The following ATG7 variants were observed in gnomAD, a reference collection of about 807,000 sequenced individuals.
The protein encoded by ATG7 is ubiquitin-like modifier-activating enzyme ATG7.
ATG7 carries 70 observed loss-of-function variants against 82.4 expected under a neutral mutation model. That is an observed-to-expected ratio of 0.85 (90% confidence interval 0.70 to 1.04). The LOEUF (loss-of-function observed/expected upper bound fraction) is 1.04. Ranked by LOEUF, ATG7 falls within the 50% of genes least tolerant of loss-of-function variation. ATG7 has a pLI of 0.00. For missense variants in ATG7, 792 were observed against 864.3 expected (o/e 0.92, Z 1.05); for synonymous variants, 287 against 313.0 (o/e 0.92, Z 0.88).
intron 20 of ATG7, among the ~76,000 whole-genome samples, chr3:11,490,506 C>A (rs9851487): frequency 3.3e-5 from 5 of 150,526 alleles, no homozygotes; most frequent in Admixed American, 1.3e-4. Context: ...GAATTTGATC[C>A]TGTCATTATG....
At chr3:11,337,503 T>TAA (rs1328879208) in intron 11 of ATG7, among the ~76,000 whole-genome samples, 5 of 151,940 alleles carry the variant, frequency 3.3e-5, no homozygotes, top group African/African-American at 7.2e-5. Context: ...TATATATATA[T>TAA]AATTTAATTT....
At chr3:11,564,570 G>A in the ATG7 span, among the ~76,000 whole-genome samples, 3 of 151,738 alleles carry the variant, frequency 2.0e-5, no homozygotes, top group South Asian at 2.1e-4. Flanking sequence ...AAGAGGCAAG[G>A]CCCGGGCAGG....
rs560001251 is a variant in ATG7, at chr3:11,454,752, G to A, written c.2079+27826G>A. Among the ~76,000 whole-genome samples, 7 of 152,346 alleles carry A rather than the reference G, an allele frequency of 4.6e-5. No individual in the cohort carries two copies. In the East Asian group the frequency reaches 1.3e-3, roughly 29 times the overall value. On this transcript the variant is annotated intron_variant, in intron 20 of 20. Transcript: ENST00000693202. ...CTAGCAGAATGCCTGGCAGGTAGAA[G>A]GAAGCTCAGTGTGTGTTTACTGAAT... is the stretch of plus-strand genomic sequence containing the variant.
intron 20 of ATG7, among the ~76,000 whole-genome samples, chr3:11,483,951 C>T (rs550920298): frequency 6.6e-6 from 1 of 152,274 alleles, no homozygotes. Flanking sequence ...GGATAAATTC[C>T]ATCATTACCC....
chr3:11,558,856 AG>A (rs1228095192), downstream of ATG7: 1 of 1,605,892 alleles, frequency 6.2e-7, no homozygotes, highest in African/African-American at 1.3e-5. Context: ...GCAGGCAGTC[AG>A]ACACAGGTGG....
intron 20 of ATG7, among the ~76,000 whole-genome samples, chr3:11,538,874 C>CAAAAAA (rs60200228): frequency 0.21 from 29,817 of 139,748 alleles, 3,660 homozygotes; most frequent in South Asian, 0.37. Flanking sequence ...ACTCTTGTCT[C>CAAAAAA]AAAAAAAAAG....
intron 20 of ATG7, among the ~76,000 whole-genome samples, chr3:11,436,423 A>G: frequency 6.6e-6 from 1 of 152,160 alleles, no homozygotes; most frequent in East Asian, 1.9e-4. Context: ...TCCTTGAAAA[A>G]TTAAACATAG....
At chr3:11,383,537 C>T (rs1469892575) in intron 19 of ATG7, among the ~76,000 whole-genome samples, 1 of 152,162 alleles carries the variant, frequency 6.6e-6, no homozygotes, top group Non-Finnish European at 1.5e-5. Context: ...CTCCGCCTGC[C>T]TCCCAGGTTC....
chr3:11,523,366 C>T (rs2092490321), intron 20 of ATG7, among the ~76,000 whole-genome samples: 1 of 152,224 alleles, frequency 6.6e-6, no homozygotes, highest in African/African-American at 2.4e-5. Flanking sequence ...GGTGACCCAC[C>T]GCATACGGGG....
At chr3:11,479,488 G>C (rs1294255892) in intron 20 of ATG7, among the ~76,000 whole-genome samples, 1 of 152,088 alleles carries the variant, frequency 6.6e-6, no homozygotes, top group Non-Finnish European at 1.5e-5. Flanking sequence ...CCAAAGCCCA[G>C]ATATTGACCG....
At position 11,422,740 on chromosome 3, in the gene ATG7, CTT is replaced by C. The variant is rs557755646; in HGVS notation, c.1957-4036_1957-4035del. 6.6e-3 allele frequency among the ~76,000 whole-genome samples: 327 copies of C among 49,460 alleles called. 1 individual carries two copies. Among genetic ancestry groups the C allele is most frequent in the South Asian group, 0.012 (10 of 866 alleles). 32.4% of individuals were successfully genotyped at this position (49,460 alleles called of 152,430 possible). ...CCTCACTATGCTTAATCATTTCTAG[CTT>C]TTTTTTTTTTTTTTTTTTTTTTTTT... is the stretch of plus-strand genomic sequence containing the variant. On this transcript the variant is annotated intron_variant, in intron 19 of 20. Transcript: ENST00000693202.
chr3:11,439,253 G>C (rs2083657230), intron 20 of ATG7, among the ~76,000 whole-genome samples: 1 of 151,684 alleles, frequency 6.6e-6, no homozygotes, highest in Non-Finnish European at 1.5e-5. Context: ...AGTTTTAGTA[G>C]GGATGGGGTT....
intron 20 of ATG7, among the ~76,000 whole-genome samples, chr3:11,434,112 T>C (rs2083156000): frequency 6.6e-6 from 1 of 152,222 alleles, no homozygotes; most frequent in Non-Finnish European, 1.5e-5. Flanking sequence ...TTAACAAGTG[T>C]TTCTGCTGGG....
At chr3:11,535,815 C>T (rs1018133019) in intron 20 of ATG7, among the ~76,000 whole-genome samples, 14 of 152,202 alleles carry the variant, frequency 9.2e-5, no homozygotes, top group Non-Finnish European at 1.8e-4. Flanking sequence ...CTCCCGTGGA[C>T]CTGCCAGCTT....
intron 20 of ATG7, among the ~76,000 whole-genome samples, chr3:11,515,248 T>A: frequency 6.6e-6 from 1 of 152,158 alleles, no homozygotes; most frequent in East Asian, 1.9e-4. Flanking sequence ...TGTGTTCATG[T>A]CTCAACTGAG....
chr3:11,565,206 G>A, the ATG7 span, among the ~76,000 whole-genome samples: 3 of 152,126 alleles, frequency 2.0e-5, no homozygotes, highest in South Asian at 2.1e-4. This position sits in a 1 kb window ranked among gnomAD's most constrained non-coding sequence, Gnocchi z 4.1. Context: ...TCTGGGTGCC[G>A]GAGAAGCTGC....
At chr3:11,525,784 G>A (rs977722059) in intron 20 of ATG7, among the ~76,000 whole-genome samples, 2 of 151,700 alleles carry the variant, frequency 1.3e-5, no homozygotes, top group Non-Finnish European at 2.9e-5. Flanking sequence ...TCGATCTCCT[G>A]ACGTTGTGAT....
intron 20 of ATG7, among the ~76,000 whole-genome samples, chr3:11,475,990 A>G (rs2088165104): frequency 6.6e-6 from 1 of 151,908 alleles, no homozygotes; most frequent in South Asian, 2.1e-4. Flanking sequence ...GGAAAAAATG[A>G]ACCCCTGCTG....
At chr3:11,532,851 C>A (rs2092718944) in intron 20 of ATG7, among the ~76,000 whole-genome samples, 1 of 152,224 alleles carries the variant, frequency 6.6e-6, no homozygotes, top group Non-Finnish European at 1.5e-5. Flanking sequence ...ATGCAATCAG[C>A]AGTTGGTAAA....
Sources: allele counts gnomAD v4.1 joint callset (sites outside exome capture counted in the v4.1 genomes callset), GRCh38; gene constraint gnomAD v4.1.1; non-coding constraint Gnocchi (gnomAD v3.1); transcripts MANE v1.5; gene names NCBI Gene and HGNC (gene_info 2026-07-23, HGNC 2026-07-21).